Variants in SLX4IP observed in about 807,000 individuals in gnomAD.
The protein encoded by SLX4IP is SLX4 interacting protein.
Under a neutral mutation model 32.9 loss-of-function variants are expected in SLX4IP, and 34 were observed. That is an observed-to-expected ratio of 1.03 (90% CI 0.79 to 1.38). The LOEUF is 1.38. Among genes scored for constraint, SLX4IP ranks in the 40% most tolerant of loss-of-function variants. SLX4IP has a pLI of 0.00. For synonymous variants in SLX4IP, 172 were observed against 171.7 expected (o/e 1.00, Z -0.01); for missense variants, 444 against 479.0 (o/e 0.93, Z 0.68).
At position 10,458,230 on chromosome 20, in the gene SLX4IP, A is replaced by C. The variant is rs560492751; in HGVS notation, c.26A>C (p.Lys9Thr). ...ATGGCATCTAAGAAATTTGCTGTTAAAGTAAGTAATGTTTAATAGCTTTTT... is the reference window on the plus strand; with the variant it reads ...ATGGCATCTAAGAAATTTGCTGTTACAGTAAGTAATGTTTAATAGCTTTTT... MASKKFAV[K>T]CGNFAVLVDL... Residue 9 changes from lysine (K) to threonine (T), a missense_variant and splice_region_variant, in exon 2 of 8, where the codon AAA becomes ACA. Transcript: ENST00000334534. 2 of 1,589,562 alleles carry C rather than the reference A, an allele frequency of 1.3e-6. No individual in the cohort carries two copies. The highest frequency in any genetic ancestry group is 4.6e-5 in the East Asian group (2 of 43,550).
intron 6 of SLX4IP, among the ~76,000 whole-genome samples, chr20:10,604,673 CTG>C (rs2066884815): frequency 6.6e-6 from 1 of 152,266 alleles, no homozygotes; most frequent in Non-Finnish European, 1.5e-5. Context: ...CCTGCTGTCA[CTG>C]TTGCGTTTCT....
chr20:10,463,181 C>T (rs949748048), intron 2 of SLX4IP, among the ~76,000 whole-genome samples: 14 of 152,228 alleles, frequency 9.2e-5, no homozygotes, highest in South Asian at 6.2e-4. Context: ...TGAATGGACT[C>T]GAGAGACAGA....
chr20:10,528,564 ATTTTC>A (rs1362512584), intron 2 of SLX4IP, among the ~76,000 whole-genome samples: 4 of 152,072 alleles, frequency 2.6e-5, no homozygotes, highest in African/African-American at 7.3e-5. Context: ...TATTCTTGGA[ATTTTC>A]TTTTCTTTTC....
At chr20:10,619,787 GATCT>G (rs951538281) in intron 6 of SLX4IP, among the ~76,000 whole-genome samples, 6 of 152,086 alleles carry the variant, frequency 3.9e-5, no homozygotes, top group Admixed American at 3.3e-4. Flanking sequence ...GATTCCTCTC[GATCT>G]CTCTCTTTCT....
intron 6 of SLX4IP, among the ~76,000 whole-genome samples, chr20:10,614,458 A>T (rs933821449): frequency 2.0e-5 from 3 of 152,196 alleles, no homozygotes; most frequent in Non-Finnish European, 4.4e-5. Context: ...GGGGTGGGCC[A>T]TGTGGTCAGG....
At chr20:10,493,283 T>A (rs663265) in intron 2 of SLX4IP, among the ~76,000 whole-genome samples, 59,472 of 152,080 alleles carry the variant, frequency 0.39, 11,855 homozygotes, top group Non-Finnish European at 0.43. Flanking sequence ...GTCTTTGAAC[T>A]AGGTCCATAG....
intron 2 of SLX4IP, among the ~76,000 whole-genome samples, chr20:10,468,102 T>C (rs576158353): frequency 6.6e-6 from 1 of 152,340 alleles, no homozygotes; most frequent in East Asian, 1.9e-4. Flanking sequence ...GAGTTTATCA[T>C]GGCTTTCATC....
intron 2 of SLX4IP, among the ~76,000 whole-genome samples, chr20:10,480,508 T>C (rs1054951130): frequency 7.2e-5 from 11 of 152,222 alleles, no homozygotes; most frequent in Admixed American, 2.0e-4. Context: ...ATGGAATGAT[T>C]ACAATTAAAG....
intron 4 of SLX4IP, among the ~76,000 whole-genome samples, chr20:10,567,934 T>G (rs2066415253): frequency 6.6e-6 from 1 of 152,196 alleles, no homozygotes; most frequent in South Asian, 2.1e-4. Context: ...GGCACAAATT[T>G]TTATCTGTTC....
intron 5 of SLX4IP, 111 bp from the exon 6 acceptor site, chr20:10,601,620 T>A (rs2066842842): frequency 3.7e-6 from 3 of 802,870 alleles, no homozygotes; most frequent in Non-Finnish European, 6.2e-6. Flanking sequence ...ACGTATGTTT[T>A]ATATGGATGT....
chr20:10,598,813 G>A (rs2066806333), intron 5 of SLX4IP, 61 bp downstream of exon 5: 2 of 1,532,300 alleles, frequency 1.3e-6, no homozygotes, highest in Admixed American at 3.3e-5. Flanking sequence ...CCTAGATAGA[G>A]AAGGGATGAA....
At chr20:10,503,847 A>G (rs2065738177) in intron 2 of SLX4IP, among the ~76,000 whole-genome samples, 1 of 152,180 alleles carries the variant, frequency 6.6e-6, no homozygotes, top group South Asian at 2.1e-4. Flanking sequence ...CTCTGTCATT[A>G]CACAGCTCTT....
chr20:10,506,578 T>C (rs2065761730), intron 2 of SLX4IP, among the ~76,000 whole-genome samples: 1 of 152,190 alleles, frequency 6.6e-6, no homozygotes, highest in Non-Finnish European at 1.5e-5. Flanking sequence ...AAGAAGATGT[T>C]TATGATTGCT....
At chr20:10,481,500 AT>A (rs2122381416) in intron 2 of SLX4IP, among the ~76,000 whole-genome samples, 1 of 152,016 alleles carries the variant, frequency 6.6e-6, no homozygotes, top group Non-Finnish European at 1.5e-5. Context: ...TTATTTTATT[AT>A]TTTAAAATTT....
intron 2 of SLX4IP, among the ~76,000 whole-genome samples, chr20:10,461,190 ACT>A (rs2040696197): frequency 6.6e-6 from 1 of 152,112 alleles, no homozygotes; most frequent in African/African-American, 2.4e-5. Flanking sequence ...TTCTTGCAAA[ACT>A]CTGTTGAAAC....
chr20:10,622,159 A>G (rs2067118362), intron 7 of SLX4IP, among the ~76,000 whole-genome samples: 1 of 152,224 alleles, frequency 6.6e-6, no homozygotes, highest in Non-Finnish European at 1.5e-5. Flanking sequence ...CCATTTGTTG[A>G]TCAAGTTTGG....
intron 4 of SLX4IP, among the ~76,000 whole-genome samples, chr20:10,588,591 A>G (rs180827966): frequency 1.3e-5 from 2 of 152,372 alleles, no homozygotes; most frequent in African/African-American, 4.8e-5. Flanking sequence ...AAAGAAGGAA[A>G]TCCTACTATT....
intron 1 of SLX4IP, among the ~76,000 whole-genome samples, chr20:10,449,147 T>C (rs1415531198): frequency 6.6e-6 from 1 of 152,208 alleles, no homozygotes; most frequent in Non-Finnish European, 1.5e-5. Flanking sequence ...AAAGAAAAGA[T>C]GGTTTCTTTA....
chr20:10,597,541 G>T (rs899707161), intron 4 of SLX4IP, among the ~76,000 whole-genome samples: 3 of 152,158 alleles, frequency 2.0e-5, no homozygotes, highest in African/African-American at 7.2e-5. Flanking sequence ...TTCTGGATCA[G>T]GCTTCTTTCA....
Sources: gnomAD v4.1 joint callset for allele counts (sites outside exome capture counted in the v4.1 genomes callset) on GRCh38, gnomAD v4.1.1 for gene constraint, MANE v1.5 for transcripts, NCBI Gene and HGNC (gene_info 2026-07-23, HGNC 2026-07-21) for gene names.